GLI3: variants seen among roughly 807,000 people sequenced by gnomAD.
GLI3 encodes GLI family zinc finger 3.
A neutral mutation model predicts 100.8 loss-of-function variants in GLI3; 20 were observed. The ratio of observed to expected loss-of-function variants is 0.20; its 90% CI spans 0.14 to 0.29. The LOEUF (loss-of-function observed/expected upper bound fraction) is 0.29. Ranked by LOEUF, GLI3 falls within the 10% of genes least tolerant of loss-of-function variation. The pLI is 1.00. For synonymous variants in GLI3, 938 were observed against 860.5 expected (o/e 1.09, Z -1.58); for missense variants, 2,040 against 2,128.5 (o/e 0.96, Z 0.82).
rs987394812 is a variant in GLI3 at position 42,040,352 on chromosome 7, G to A, written c.827-113C>T. The A allele has an allele frequency of 5.8e-5, 45 of 782,550 alleles. No homozygotes were observed. In the East Asian group the frequency reaches 1.1e-3, roughly 19 times the overall value. The allele number at this position is 782,550 out of a possible 1,614,324, so 48.5% of individuals were successfully genotyped here. ...AAGGATAAGAAGCTGGCAACTTGCG[G>A]TGACAAGCACCTCTCCTCCCCCATG... is the stretch of plus-strand genomic sequence containing the variant. On this transcript the variant is annotated intron_variant, in intron 6 of 14. Transcript: ENST00000395925.
At chr7:42,123,352 A>G (rs1231788002) in intron 3 of GLI3, among the ~76,000 whole-genome samples, 1 of 152,206 alleles carries the variant, frequency 6.6e-6, no homozygotes, top group Non-Finnish European at 1.5e-5. Flanking sequence ...TAATTCACAA[A>G]CTTGGTGGTT....
intron 4 of GLI3, among the ~76,000 whole-genome samples, chr7:42,071,961 G>A (rs1784791759): frequency 6.6e-6 from 1 of 152,104 alleles, no homozygotes; most frequent in African/African-American, 2.4e-5. Flanking sequence ...GCCTTGGAAG[G>A]AGACACATTG....
At chr7:42,188,119 A>G (rs1290446051) in intron 2 of GLI3, among the ~76,000 whole-genome samples, 1 of 152,098 alleles carries the variant, frequency 6.6e-6, no homozygotes, top group Non-Finnish European at 1.5e-5. Context: ...AATAGCAAGG[A>G]TGGCCAGTGG....
chr7:42,168,198 C>A (rs1787282949), intron 2 of GLI3, among the ~76,000 whole-genome samples: 1 of 152,150 alleles, frequency 6.6e-6, no homozygotes, highest in Admixed American at 6.5e-5. Flanking sequence ...AACTCAGTAC[C>A]TTGTTAAGAA....
intron 3 of GLI3, among the ~76,000 whole-genome samples, chr7:42,118,701 G>C (rs564906031): frequency 1.3e-5 from 2 of 152,124 alleles, no homozygotes; most frequent in Non-Finnish European, 2.9e-5. Context: ...CACCACTTCC[G>C]CTGCAGCCAG....
intron 3 of GLI3, chr7:42,145,580 T>A (rs983923031): frequency 2.5e-6 from 1 of 395,334 alleles, no homozygotes; most frequent in African/African-American, 2.1e-5. Flanking sequence ...TAGAAGAAAC[T>A]GGTCTCAGGC....
intron 3 of GLI3, among the ~76,000 whole-genome samples, chr7:42,094,104 AT>A (rs1461116157): frequency 6.6e-6 from 1 of 152,082 alleles, no homozygotes; most frequent in Non-Finnish European, 1.5e-5. Context: ...GAGTCACAGT[AT>A]TTCCCTCAAG....
At chr7:42,223,426 C>A in intron 1 of GLI3, 131 bp from the exon 2 acceptor site, 1 of 576,822 alleles carries the variant, frequency 1.7e-6, no homozygotes, top group Non-Finnish European at 3.0e-6. Flanking sequence ...GATGACACTT[C>A]TCCACAGGTT....
chr7:42,130,230 T>A (rs1252040152), intron 3 of GLI3, among the ~76,000 whole-genome samples: 1 of 152,104 alleles, frequency 6.6e-6, no homozygotes, highest in African/African-American at 2.4e-5. Context: ...ATACACGTGG[T>A]CAGGATGTTC....
chr7:42,119,920 G>A, intron 3 of GLI3, among the ~76,000 whole-genome samples: 1 of 152,120 alleles, frequency 6.6e-6, no homozygotes, highest in East Asian at 1.9e-4. Context: ...AAAACTCCCG[G>A]GGATGTGTTC....
intron 10 of GLI3, among the ~76,000 whole-genome samples, chr7:41,990,318 C>A (rs1041149821): frequency 1.3e-5 from 2 of 152,064 alleles, no homozygotes; most frequent in African/African-American, 4.8e-5. Context: ...TTCAGCAATC[C>A]ACATGAAGCC....
chr7:42,209,198 C>T (rs1026975468), intron 2 of GLI3, among the ~76,000 whole-genome samples: 41 of 152,116 alleles, frequency 2.7e-4, no homozygotes, highest in African/African-American at 9.9e-4. Flanking sequence ...GTACTACAGC[C>T]ACCATGCCCA....
chr7:42,194,844 G>A lies in GLI3; in HGVS notation c.124+28286C>T, dbSNP rs200933949. 3.4e-5 allele frequency among the ~76,000 whole-genome samples: 5 copies of A among 146,588 alleles called. No individual in the cohort carries two copies. The East Asian group carries it at 1.0e-3, about 30-fold the overall frequency. ...TGCAGTGGCATGATCTCGGCTCACT[G>A]CAACCTCTGTCTCCCAGGTTCAAGC... On this transcript the variant is annotated intron_variant, in intron 2 of 14. Transcript: ENST00000395925.
At chr7:42,220,880 G>A (rs1235124456) in intron 2 of GLI3, among the ~76,000 whole-genome samples, 7 of 152,190 alleles carry the variant, frequency 4.6e-5, no homozygotes, top group Non-Finnish European at 8.8e-5. Flanking sequence ...CAGGAACACT[G>A]AAAAACTGGC....
At chr7:42,261,895 C>G (rs1789144107) in intron 1 of GLI3, among the ~76,000 whole-genome samples, 2 of 79,224 alleles carry the variant, frequency 2.5e-5, no homozygotes, top group Non-Finnish European at 5.5e-5. Context: ...CTTTCCCTTC[C>G]CTTCCTTTCC....
At position 41,962,562 on chromosome 7, in the gene GLI3, T is replaced by C. The variant is rs1481711949; in HGVS notation, c.*1768A>G. ...AAGGGGAATTGCAGTGTCCCTCTGC[T>C]TGTCTCAGGAACATCTAGTTGAAAG... On this transcript the variant is annotated 3_prime_UTR_variant, in exon 15 of 15. Transcript: ENST00000395925. 6.6e-6 allele frequency: 1 copy of C among 152,178 alleles called. No individual in the cohort carries two copies. The highest frequency in any genetic ancestry group is 1.5e-5 in the Non-Finnish European group (1 of 68,040). The allele number at this position is 152,178 out of a possible 1,614,324, so 9.4% of individuals were successfully genotyped here.
intron 1 of GLI3, among the ~76,000 whole-genome samples, chr7:42,263,821 G>A (rs1248553677): frequency 1.3e-5 from 2 of 152,042 alleles, no homozygotes; most frequent in Non-Finnish European, 2.9e-5. Flanking sequence ...GGTTAGATCA[G>A]TCTTTTTTGT....
chr7:42,075,144 T>C (rs1034886447), intron 4 of GLI3, among the ~76,000 whole-genome samples: 5 of 152,202 alleles, frequency 3.3e-5, no homozygotes, highest in Non-Finnish European at 5.9e-5. Context: ...GGGTTTTTAT[T>C]GATAAATTCA....
chr7:41,985,251 T>C (rs1171902947), intron 10 of GLI3, among the ~76,000 whole-genome samples: 1 of 152,256 alleles, frequency 6.6e-6, no homozygotes, highest in Admixed American at 6.5e-5. Flanking sequence ...AATGTCAAAC[T>C]GGAAATGTTT....
Sources: allele counts gnomAD v4.1 joint callset (sites outside exome capture counted in the v4.1 genomes callset), GRCh38; gene constraint gnomAD v4.1.1; transcripts MANE v1.5; gene names NCBI Gene and HGNC (gene_info 2026-07-23, HGNC 2026-07-21).